Variants in ABLIM1 observed in about 807,000 individuals in gnomAD.
The protein encoded by ABLIM1 is actin-binding LIM protein 1.
Under a neutral mutation model 107.0 loss-of-function variants are expected in ABLIM1, and 40 were observed. That is an observed-to-expected ratio of 0.37 (90% CI 0.29 to 0.49). ABLIM1 has a LOEUF of 0.49. ABLIM1 is among the 20% of genes least tolerant of loss of function. The pLI, the probability that ABLIM1 is intolerant of heterozygous loss-of-function variation, is 0.97. For missense variants in ABLIM1, 857 were observed against 1,008.5 expected, an observed-to-expected ratio of 0.85 and a Z score of 2.04; for synonymous variants, 357 against 357.3, an observed-to-expected ratio of 1.00 and a Z score of 0.01.
rs1399458261 is a variant in ABLIM1 at position 114,431,387 on chromosome 10, AGG to A, written c.*4871_*4872del. Reference sequence around the variant, plus strand: ...AAACATTTGCTTTCATATTTCCAAAAGGGGAGGGAGGGCAGGAAGAACCACAC... The same window carrying A: ...AAACATTTGCTTTCATATTTCCAAAAGGAGGGAGGGCAGGAAGAACCACAC... On this transcript the variant is annotated 3_prime_UTR_variant, in exon 23 of 23. Coordinates refer to ENST00000533213, the MANE Select transcript of ABLIM1 (RefSeq NM_002313.7). 6.6e-6 allele frequency: 1 copy of A among 152,234 alleles called. No individual in the cohort carries two copies. The highest frequency in any genetic ancestry group is 1.5e-5 in the Non-Finnish European group (1 of 68,046). The allele number at this position is 152,234 out of a possible 1,614,324, so 9.4% of individuals were successfully genotyped here. A position where few individuals can be genotyped will look rare whatever the true frequency, so the allele number is the denominator to read the frequency against.
intron 6 of ABLIM1, among the ~76,000 whole-genome samples, chr10:114,509,330 G>A (rs545525635): frequency 1.6e-4 from 25 of 152,254 alleles, no homozygotes; most frequent in Non-Finnish European, 2.2e-4. Flanking sequence ...GTGGCCATTC[G>A]TGTCTTCAAG....
At position 114,601,876 on chromosome 10, in the gene ABLIM1, C is replaced by A. The variant is rs776959653; in HGVS notation, c.330G>T (p.Val110=). ...HKCGEPCKGE[V]LRVQTKHFHI... The stretch of plus-strand genomic sequence containing the variant: ...GGAAATGTTTGGTCTGGACCCGAAG[C>A]ACTTCACCCTTGCAAGGCTCCCCAC... Residue 110 remains valine (V), a synonymous_variant, in exon 2 of 23, where the codon GTG becomes GTT. Transcript: ENST00000533213. 10 of 1,614,062 alleles carry A rather than the reference C, an allele frequency of 6.2e-6. No individual in the cohort carries two copies. Among genetic ancestry groups the A allele is most frequent in the Non-Finnish European group, 6.8e-6 (8 of 1,180,044 alleles).
chr10:114,784,592 G>A, the ABLIM1 span, among the ~76,000 whole-genome samples: 53 of 146,194 alleles, frequency 3.6e-4, no homozygotes, highest in African/African-American at 1.2e-3. Flanking sequence ...GCTTGAACCC[G>A]GGAGGCAGAG....
At chr10:114,506,944 T>C (rs762512917) in intron 6 of ABLIM1, among the ~76,000 whole-genome samples, 1 of 152,248 alleles carries the variant, frequency 6.6e-6, no homozygotes, top group Non-Finnish European at 1.5e-5. Flanking sequence ...CTGTGGGTAG[T>C]TGATGCCTTA....
the ABLIM1 span, among the ~76,000 whole-genome samples, chr10:114,794,443 GA>G: frequency 1.3e-5 from 2 of 152,054 alleles, no homozygotes; most frequent in African/African-American, 4.8e-5. Flanking sequence ...ATGAATGAAT[GA>G]ATTTTTACTA....
the ABLIM1 span, among the ~76,000 whole-genome samples, chr10:114,784,665 C>CAAACAA: frequency 1.1e-5 from 1 of 87,998 alleles, no homozygotes; most frequent in Non-Finnish European, 2.1e-5. Flanking sequence ...AGACTCACCT[C>CAAACAA]AAAAAAAAAA....
chr10:114,475,009 G>A (rs1266184881), intron 8 of ABLIM1, among the ~76,000 whole-genome samples: 2 of 152,160 alleles, frequency 1.3e-5, no homozygotes, highest in African/African-American at 4.8e-5. Context: ...ATGTGGAACT[G>A]GAGTCCATTA....
At chr10:114,648,439 G>A (rs556475847) in intron 1 of ABLIM1, among the ~76,000 whole-genome samples, 1 of 152,126 alleles carries the variant, frequency 6.6e-6, no homozygotes, top group Non-Finnish European at 1.5e-5. Context: ...AAAATCACAG[G>A]TTACATGATT....
chr10:114,661,412 C>T (rs2079791681), upstream of ABLIM1, among the ~76,000 whole-genome samples: 1 of 152,208 alleles, frequency 6.6e-6, no homozygotes, highest in African/African-American at 2.4e-5. Flanking sequence ...CCACATGGCT[C>T]CAGTTAAATA....
intron 1 of ABLIM1, chr10:114,632,084 C>G (rs1251063510): frequency 4.1e-6 from 4 of 985,186 alleles, no homozygotes; most frequent in Non-Finnish European, 4.8e-6. Flanking sequence ...CGCCCCGCCT[C>G]GGCGGGCCCC....
intron 6 of ABLIM1, among the ~76,000 whole-genome samples, chr10:114,500,031 A>G (rs1158286379): frequency 2.0e-5 from 3 of 152,224 alleles, no homozygotes; most frequent in Non-Finnish European, 4.4e-5. Flanking sequence ...ATCCTGGGCA[A>G]AGGTGAATAA....
At chr10:114,752,509 T>C (rs144057064) in intron 1 of ABLIM1, among the ~76,000 whole-genome samples, 2,803 of 152,286 alleles carry the variant, frequency 0.018, 78 homozygotes, top group African/African-American at 0.062. Context: ...TGCTCCACAG[T>C]GGTTTGCTGC....
intron 1 of ABLIM1, among the ~76,000 whole-genome samples, chr10:114,609,332 T>C (rs2076649887): frequency 6.6e-6 from 1 of 152,216 alleles, no homozygotes. Flanking sequence ...TCACTTGCTG[T>C]GGTTTCTCTT....
chr10:114,469,086 G>C (rs950678521), intron 10 of ABLIM1, among the ~76,000 whole-genome samples: 4 of 146,402 alleles, frequency 2.7e-5, no homozygotes, highest in African/African-American at 1.0e-4. Flanking sequence ...ACCATGACTA[G>C]ATATGATTGT....
intron 1 of ABLIM1, among the ~76,000 whole-genome samples, chr10:114,756,394 TTCATTTTGCAAAATGAACAATAGTA>T (rs2082630910): frequency 6.6e-6 from 1 of 152,192 alleles, no homozygotes; most frequent in Non-Finnish European, 1.5e-5. Flanking sequence ...TTTCATATAT[TTCATTTTGCAAAATGAACAATAGTA>T]TCATTTTGCC....
At chr10:114,717,691 G>A (rs2081703692) in intron 1 of ABLIM1, among the ~76,000 whole-genome samples, 1 of 152,022 alleles carries the variant, frequency 6.6e-6, no homozygotes, top group South Asian at 2.1e-4. Context: ...GAAGCGGGTG[G>A]ATCACGTGAG....
intron 1 of ABLIM1, among the ~76,000 whole-genome samples, chr10:114,694,711 TAGAG>T (rs2141760096): frequency 6.6e-6 from 1 of 152,298 alleles, no homozygotes; most frequent in South Asian, 2.1e-4. Context: ...AAGTACTAAA[TAGAG>T]AGGCCAGGGG....
chr10:114,589,199 C>CTG (rs1209195482), intron 2 of ABLIM1, among the ~76,000 whole-genome samples: 65 of 145,910 alleles, frequency 4.5e-4, no homozygotes, highest in Admixed American at 2.8e-3. Context: ...GTGTGTGTGT[C>CTG]TGTGTGTGTG....
At chr10:114,678,598 T>G (rs139510810) in intron 1 of ABLIM1, among the ~76,000 whole-genome samples, 93 of 152,300 alleles carry the variant, frequency 6.1e-4, no homozygotes, top group African/African-American at 2.0e-3. Context: ...ATCTCAGACT[T>G]GAGTAGTTGC....
Sources: gnomAD v4.1 joint callset for allele counts (sites outside exome capture counted in the v4.1 genomes callset) on GRCh38, gnomAD v4.1.1 for gene constraint, MANE v1.5 for transcripts, NCBI Gene and HGNC (gene_info 2026-07-23, HGNC 2026-07-21) for gene names.